CNTN5: variants seen among roughly 807,000 people sequenced by gnomAD.
CNTN5 encodes contactin-5.
Under a neutral mutation model 129.1 loss-of-function variants are expected in CNTN5, and 77 were observed. The observed-to-expected ratio is 0.60, with a 90% CI of 0.50 to 0.72. CNTN5 has a LOEUF of 0.72. CNTN5 is among the 30% of genes least tolerant of loss of function. The probability of loss-of-function intolerance (pLI) is 0.00; values close to 1 mark genes in which losing one functional copy is unlikely to be tolerated. For missense variants in CNTN5, 1,478 were observed against 1,328.8 expected (o/e 1.11, Z -1.75); for synonymous variants, 509 against 465.6 (o/e 1.09, Z -1.20).
intron 9 of CNTN5, among the ~76,000 whole-genome samples, chr11:100,035,975 G>C (rs984069864): frequency 6.6e-5 from 10 of 152,124 alleles, no homozygotes; most frequent in Admixed American, 3.3e-4. Context: ...AGTTTAATTA[G>C]ATCCCATATG....
intron 1 of CNTN5, among the ~76,000 whole-genome samples, chr11:99,282,193 T>A (rs2135891667): frequency 6.6e-6 from 1 of 152,178 alleles, no homozygotes; most frequent in South Asian, 2.1e-4. Context: ...TGTCTCGCCT[T>A]AAGTGTTGAA....
At chr11:100,080,286 C>A (rs1944310041) in intron 13 of CNTN5, among the ~76,000 whole-genome samples, 3 of 151,524 alleles carry the variant, frequency 2.0e-5, no homozygotes, top group Admixed American at 6.6e-5. Flanking sequence ...TATGGAGGTG[C>A]AGTATTATAG....
chr11:99,197,900 T>C (rs1858984054), intron 1 of CNTN5, among the ~76,000 whole-genome samples: 1 of 152,148 alleles, frequency 6.6e-6, no homozygotes, highest in Non-Finnish European at 1.5e-5. Flanking sequence ...CAGAAATAAA[T>C]GACATAATTT....
At chr11:99,921,708 T>A (rs1949944103) in intron 7 of CNTN5, among the ~76,000 whole-genome samples, 1 of 152,172 alleles carries the variant, frequency 6.6e-6, no homozygotes, top group African/African-American at 2.4e-5. Flanking sequence ...TTCACTGTTA[T>A]TACCCCATTG....
chr11:99,926,798 C>G (rs1044575938), intron 7 of CNTN5, among the ~76,000 whole-genome samples: 6 of 152,032 alleles, frequency 3.9e-5, no homozygotes, highest in Non-Finnish European at 7.4e-5. Flanking sequence ...GAGTTTATCA[C>G]ACAGACTTTC....
chr11:100,064,639 G>T (rs1055801393), intron 10 of CNTN5, among the ~76,000 whole-genome samples: 1 of 152,020 alleles, frequency 6.6e-6, no homozygotes, highest in Admixed American at 6.6e-5. Flanking sequence ...ATTTTCATGG[G>T]TTAAGTCATT....
At chr11:99,396,255 G>A (rs190833484) in intron 2 of CNTN5, among the ~76,000 whole-genome samples, 13 of 151,352 alleles carry the variant, frequency 8.6e-5, no homozygotes, top group East Asian at 1.9e-4. Context: ...TATTAAATAC[G>A]AGCATAATAG....
intron 16 of CNTN5, among the ~76,000 whole-genome samples, chr11:100,226,915 C>T (rs1049116846): frequency 2.0e-5 from 3 of 152,038 alleles, no homozygotes; most frequent in Admixed American, 2.0e-4. Flanking sequence ...GGTCTGTAAA[C>T]TCATGGTATT....
chr11:100,277,213 C>G (rs1288979238), intron 18 of CNTN5, among the ~76,000 whole-genome samples: 1 of 152,164 alleles, frequency 6.6e-6, no homozygotes, highest in African/African-American at 2.4e-5. Flanking sequence ...TTTTCTTTAT[C>G]CATTCATCTG....
intron 3 of CNTN5, among the ~76,000 whole-genome samples, chr11:99,699,827 T>C (rs563609703): frequency 6.6e-6 from 1 of 151,532 alleles, no homozygotes; most frequent in Admixed American, 6.6e-5. Flanking sequence ...ATCTAGCTAC[T>C]TTATTTCTGC....
At chr11:99,165,829 A>G (rs1860840062) in intron 1 of CNTN5, among the ~76,000 whole-genome samples, 1 of 152,126 alleles carries the variant, frequency 6.6e-6, no homozygotes. Context: ...TAGTATACCA[A>G]CCTTCATATC....
intron 2 of CNTN5, 142 bp from the exon 3 acceptor site, chr11:99,556,003 C>T: frequency 2.6e-6 from 1 of 380,646 alleles, no homozygotes; most frequent in Non-Finnish European, 4.7e-6. Flanking sequence ...TGTATTATTG[C>T]TGTCTAGTGC....
intron 4 of CNTN5, among the ~76,000 whole-genome samples, chr11:99,824,740 TG>T (rs1946901424): frequency 6.6e-6 from 1 of 152,024 alleles, no homozygotes; most frequent in East Asian, 1.9e-4. Context: ...AAATTATTTT[TG>T]TATGTAATAT....
chr11:100,091,042 CCTTCTA>C, intron 13 of CNTN5, among the ~76,000 whole-genome samples: 1 of 152,188 alleles, frequency 6.6e-6, no homozygotes, highest in East Asian at 1.9e-4. Flanking sequence ...ATTACAACTC[CCTTCTA>C]CGACACATGA....
chr11:99,049,273 G>A (rs1417375865), intron 1 of CNTN5, among the ~76,000 whole-genome samples: 1 of 152,072 alleles, frequency 6.6e-6, no homozygotes, highest in Non-Finnish European at 1.5e-5. Context: ...TGTAGCAATT[G>A]ACTTAACTTC....
intron 4 of CNTN5, among the ~76,000 whole-genome samples, chr11:99,821,783 G>T (rs138053381): frequency 6.6e-6 from 1 of 152,172 alleles, no homozygotes; most frequent in African/African-American, 2.4e-5. Context: ...CTTACAAAAA[G>T]CTCCCAGGTG....
chr11:99,029,027 G>C (rs1278751387), intron 1 of CNTN5, among the ~76,000 whole-genome samples: 1 of 151,696 alleles, frequency 6.6e-6, no homozygotes, highest in African/African-American at 2.4e-5. Flanking sequence ...AAACTTATTA[G>C]CTGTATAATT....
At chr11:100,330,107 C>T (rs12272332) in intron 21 of CNTN5, among the ~76,000 whole-genome samples, 44,855 of 151,890 alleles carry the variant, frequency 0.3, 6,921 homozygotes, top group African/African-American at 0.35. Flanking sequence ...AGAAATTCTT[C>T]AGTGAAATAC....
At chr11:99,053,016 C>T (rs943633930) in intron 1 of CNTN5, among the ~76,000 whole-genome samples, 3 of 151,838 alleles carry the variant, frequency 2.0e-5, no homozygotes, top group African/African-American at 7.2e-5. Context: ...GCCCGTCATC[C>T]TACTTTTAGA....
Sources: gnomAD v4.1 joint callset for allele counts (sites outside exome capture counted in the v4.1 genomes callset) on GRCh38, gnomAD v4.1.1 for gene constraint, MANE v1.5 for transcripts, NCBI Gene and HGNC (gene_info 2026-07-23, HGNC 2026-07-21) for gene names.